Variants in PTPRT observed in about 807,000 individuals in gnomAD.
The protein encoded by PTPRT is receptor-type tyrosine-protein phosphatase T.
PTPRT carries 56 observed loss-of-function variants against 176.8 expected under a neutral mutation model. The ratio of observed to expected loss-of-function variants is 0.32; its 90% CI spans 0.26 to 0.40. The LOEUF (loss-of-function observed/expected upper bound fraction) is 0.40. PTPRT is among the 10% of genes least tolerant of loss of function. PTPRT has a pLI of 1.00. For missense variants in PTPRT, 1,540 were observed against 1,908.2 expected (o/e 0.81, Z 3.60); for synonymous variants, 783 against 739.0 (o/e 1.06, Z -0.96).
chr20:42,323,859 A>C (rs2057842741), intron 11 of PTPRT, among the ~76,000 whole-genome samples: 1 of 152,224 alleles, frequency 6.6e-6, no homozygotes, highest in Non-Finnish European at 1.5e-5. Flanking sequence ...ATCAGACAAA[A>C]GACAGACAAC....
the PTPRT span, among the ~76,000 whole-genome samples, chr20:42,057,804 C>T: frequency 1.3e-5 from 2 of 152,116 alleles, no homozygotes; most frequent in African/African-American, 2.4e-5. Flanking sequence ...ATCTCAAACT[C>T]CTGGGCCCAA....
chr20:42,886,050 CAT>C (rs11473209), intron 1 of PTPRT, 118 bp from the exon 2 acceptor site: 3,715 of 335,568 alleles, frequency 0.011, no homozygotes, highest in East Asian at 0.015. Flanking sequence ...GAAGATTTTC[CAT>C]ATATATATAT....
At chr20:42,637,999 A>G (rs532686127) in intron 7 of PTPRT, among the ~76,000 whole-genome samples, 1 of 152,264 alleles carries the variant, frequency 6.6e-6, no homozygotes, top group South Asian at 2.1e-4. Context: ...ACAGGAGCCA[A>G]TTGTGCACAT....
At chr20:43,088,237 C>A (rs955515703) in intron 1 of PTPRT, among the ~76,000 whole-genome samples, 2 of 151,914 alleles carry the variant, frequency 1.3e-5, no homozygotes, top group African/African-American at 2.4e-5. Context: ...ATGAATAATA[C>A]CATCTTAGTT....
rs3032106 is a variant in PTPRT, at chr20:43,157,199, C to CAAA, written c.88+32444_88+32446dup. Among the ~76,000 whole-genome samples, 186 of 143,420 alleles carry CAAA rather than the reference C, an allele frequency of 1.3e-3. 2 individuals carry two copies. The East Asian group carries it at 0.013, about 10-fold the overall frequency. 94.1% of individuals were successfully genotyped at this position (143,420 alleles called of 152,430 possible). A position where few individuals can be genotyped will look rare whatever the true frequency, so the allele number is the denominator to read the frequency against. ...AAACACTGTCTCTCTACTAAAAATACAAAAAAAAAAAATAGCCAGGCATGG... is the reference window on the plus strand; with the variant it reads ...AAACACTGTCTCTCTACTAAAAATACAAAAAAAAAAAAAAATAGCCAGGCATGG... On this transcript the variant is annotated intron_variant, in intron 1 of 30. Transcript: ENST00000373187.
At chr20:42,044,695 C>A in the PTPRT span, among the ~76,000 whole-genome samples, 1 of 152,202 alleles carries the variant, frequency 6.6e-6, no homozygotes, top group African/African-American at 2.4e-5. Context: ...CTCACTTAAT[C>A]CTCAGAAGAA....
chr20:42,893,508 T>C (rs1331951984), intron 1 of PTPRT, among the ~76,000 whole-genome samples: 4 of 146,908 alleles, frequency 2.7e-5, no homozygotes, highest in Non-Finnish European at 4.5e-5. Context: ...ATCCCATTAC[T>C]GGGTATATAC....
At position 42,873,291 on chromosome 20, in the gene PTPRT, G is replaced by A. The variant is rs576564964; in HGVS notation, c.214+12516C>T. On this transcript the variant is annotated intron_variant, in intron 2 of 30. Coordinates refer to ENST00000373187, the MANE Select transcript of PTPRT (RefSeq NM_007050.6). ...GAAGGGCAAGTTGCTTAATCTCTTC[G>A]TGCCTCAATTTTCCATCTATAAAGT... Among the ~76,000 whole-genome samples, 58 of 152,170 alleles carry A rather than the reference G, an allele frequency of 3.8e-4. 1 individual carries two copies. Among genetic ancestry groups the A allele is most frequent in the African/African-American group, 1.3e-3 (55 of 41,522 alleles).
intron 4 of PTPRT, among the ~76,000 whole-genome samples, chr20:42,774,970 A>G (rs1200597394): frequency 2.0e-5 from 3 of 152,008 alleles, no homozygotes; most frequent in African/African-American, 7.3e-5. Flanking sequence ...AGCTCTCTCA[A>G]CTGTCACCTT....
rs1161384437 is a variant in PTPRT at position 42,099,541 on chromosome 20, C to CTGGG, written c.3715-993_3715-990dup. 3.7e-3 allele frequency among the ~76,000 whole-genome samples: 56 copies of CTGGG among 15,244 alleles called. 6 individuals are homozygous for CTGGG. The highest frequency in any genetic ancestry group is 0.038 in the Middle Eastern group (1 of 26). 10.0% of individuals were successfully genotyped at this position (15,244 alleles called of 152,430 possible). ...GAAACAGAGGCCCAGAGAAAATGGC[C>CTGGG]TGGGCGGGGGGGGGGGGGGTGGGGT... On this transcript the variant is annotated intron_variant, in intron 26 of 30. Coordinates refer to ENST00000373187, the MANE Select transcript of PTPRT (RefSeq NM_007050.6).
chr20:43,176,876 A>G (rs546733681), intron 1 of PTPRT, among the ~76,000 whole-genome samples: 1 of 152,332 alleles, frequency 6.6e-6, no homozygotes, highest in Admixed American at 6.5e-5. Context: ...GGATGCTTCT[A>G]TGTACAAGCA....
intron 7 of PTPRT, among the ~76,000 whole-genome samples, chr20:42,646,882 CTTTTTTTTTTTTT>C (rs1161994908): frequency 6.6e-5 from 5 of 76,282 alleles, no homozygotes; most frequent in Admixed American, 6.2e-4. Context: ...CTAAGACAGC[CTTTTTTTTTTTTT>C]TTTTTTTTTT....
At chr20:43,019,499 A>G (rs1014702907) in intron 1 of PTPRT, among the ~76,000 whole-genome samples, 2 of 151,626 alleles carry the variant, frequency 1.3e-5, no homozygotes, top group Non-Finnish European at 2.9e-5. Context: ...CATGTCTGTA[A>G]TCCCAGCTAC....
intron 15 of PTPRT, among the ~76,000 whole-genome samples, chr20:42,231,185 C>T (rs1378981345): frequency 6.6e-6 from 1 of 152,206 alleles, no homozygotes; most frequent in African/African-American, 2.4e-5. Context: ...AGAAACGAGG[C>T]CCTACAGGCA....
Position 42,885,945 on chromosome 20 carries a change from G to C in PTPRT, c.89-13C>G. 1 of 1,597,144 alleles carries C rather than the reference G, an allele frequency of 6.3e-7. No individual in the cohort carries two copies. On this transcript the variant is annotated splice_polypyrimidine_tract_variant and intron_variant, in intron 1 of 30. Transcript: ENST00000373187. ...AAGGAACAGCCACCTGTAGACAAAA[G>C]AGATATGGGTAAATACATTCCCGTG... is the stretch of plus-strand genomic sequence containing the variant.
intron 7 of PTPRT, among the ~76,000 whole-genome samples, chr20:42,542,393 G>A (rs1263915060): frequency 6.8e-6 from 1 of 146,502 alleles, no homozygotes. Context: ...ATAGTTTCCA[G>A]GGGGAAAAAA....
intron 2 of PTPRT, among the ~76,000 whole-genome samples, chr20:42,850,749 T>C (rs1372987527): frequency 6.6e-6 from 1 of 152,164 alleles, no homozygotes; most frequent in Non-Finnish European, 1.5e-5. Flanking sequence ...TAGAGGCCCA[T>C]GGGCTTATCT....
chr20:42,858,320 G>A lies in PTPRT; in HGVS notation c.214+27487C>T, dbSNP rs189432350. Among the ~76,000 whole-genome samples, 391 of 152,324 alleles carry A rather than the reference G, an allele frequency of 2.6e-3. 7 individuals carry two copies. The South Asian group carries it at 0.048, about 19-fold the overall frequency. ...TTAGAGCCAAGGAACAGAGTGAGTG[G>A]ATGAAAAATTACCAAGAGGAGACAA... On this transcript the variant is annotated intron_variant, in intron 2 of 30. Transcript: ENST00000373187.
At chr20:42,058,745 G>C in the PTPRT span, among the ~76,000 whole-genome samples, 17 of 152,290 alleles carry the variant, frequency 1.1e-4, no homozygotes, top group African/African-American at 4.1e-4. Context: ...GGCCCTGATA[G>C]AGCCCAGGCA....
Sources: allele counts gnomAD v4.1 joint callset (sites outside exome capture counted in the v4.1 genomes callset), GRCh38; gene constraint gnomAD v4.1.1; transcripts MANE v1.5; gene names NCBI Gene and HGNC (gene_info 2026-07-23, HGNC 2026-07-21).